Variants in IER3IP1 observed in about 807,000 individuals in gnomAD.
The protein encoded by IER3IP1 is immediate early response 3 interacting protein 1.
IER3IP1 carries 16 observed loss-of-function variants against 12.2 expected under a neutral mutation model. The ratio of observed to expected loss-of-function variants is 1.31; its 90% CI spans 0.89 to 1.99. The LOEUF (loss-of-function observed/expected upper bound fraction) is 1.99, where lower values mean the gene tolerates loss of function less well. Among genes scored for constraint, IER3IP1 ranks in the 30% most tolerant of loss-of-function variants. The pLI is 0.00. For missense variants in IER3IP1, 95 were observed against 95.8 expected (o/e 0.99, Z 0.03); for synonymous variants, 42 against 40.0 (o/e 1.05, Z -0.19).
intron 1 of IER3IP1, among the ~76,000 whole-genome samples, chr18:47,170,017 G>A (rs1159733948): frequency 6.6e-6 from 1 of 152,076 alleles, no homozygotes; most frequent in Non-Finnish European, 1.5e-5. Flanking sequence ...AAAACTCACA[G>A]AGCTTTTTGT....
Position 47,176,209 on chromosome 18 carries a change from G to A in IER3IP1, c.69C>T (p.His23=), listed in dbSNP as rs1409344170. The change falls in exon 1 of 3, where the codon CAC becomes CAT. Residue 23 remains histidine, a synonymous_variant. Transcript: ENST00000256433. ...LLCVNAIAVL[H]EERFLKNIGW... is the part of the protein sequence containing the mutation. The stretch of plus-strand genomic sequence containing the variant: ...CACTGTTCTTGAGGAATCGCTCCTC[G>A]TGCAGCACTGCGATGGCGTTGACGC... The A allele has an allele frequency of 6.2e-7, 1 of 1,604,182 alleles. No individual in the cohort carries two copies. Among genetic ancestry groups the A allele is most frequent in the Non-Finnish European group, 8.5e-7 (1 of 1,175,724 alleles).
At chr18:47,162,817 C>CA (rs1373274028) in intron 1 of IER3IP1, among the ~76,000 whole-genome samples, 7 of 151,284 alleles carry the variant, frequency 4.6e-5, no homozygotes, top group Non-Finnish European at 7.4e-5. Context: ...ACAATGTCTT[C>CA]AAAACTCTGC....
chr18:47,176,288 G>T lies in IER3IP1; in HGVS notation c.-11C>A, dbSNP rs761147400. The T allele has an allele frequency of 1.9e-6, 3 of 1,598,960 alleles. No homozygotes were observed. The highest frequency in any genetic ancestry group is 2.2e-5 in the South Asian group (2 of 88,988). ...CAGGGTAAAGGCCATGGCCGTCCGA[G>T]GCCGCCCCGAAGTCCAAGCGATTTC... On this transcript the variant is annotated 5_prime_UTR_variant, in exon 1 of 3. Transcript: ENST00000256433.
At chr18:47,156,317 T>C (rs769329932) in intron 2 of IER3IP1, 85 bp from the exon 3 acceptor site, 49 of 758,996 alleles carry the variant, frequency 6.5e-5, no homozygotes, top group Non-Finnish European at 9.0e-5. Flanking sequence ...CCAGGAACAA[T>C]AGAAATATCT....
At chr18:47,175,922 G>A (rs2064031624) in intron 1 of IER3IP1, among the ~76,000 whole-genome samples, 1 of 151,986 alleles carries the variant, frequency 6.6e-6, no homozygotes, top group Non-Finnish European at 1.5e-5. Flanking sequence ...CTGACCTGAA[G>A]TAATCGCAAG....
intron 1 of IER3IP1, among the ~76,000 whole-genome samples, chr18:47,170,849 A>C (rs2064013143): frequency 1.3e-5 from 2 of 152,070 alleles, no homozygotes; most frequent in African/African-American, 4.8e-5. Flanking sequence ...TATTTTTTCA[A>C]CCTCATAATC....
rs377075827 is a variant in IER3IP1 at position 47,176,331 on chromosome 18, G to C, written c.-54C>G. ...GCGATTTCTCTCCCGCCGCCGCAAG[G>C]GACGTGGCGCCTCCACGGCCGGCGC... On this transcript the variant is annotated 5_prime_UTR_variant, in exon 1 of 3. Coordinates refer to ENST00000256433, the MANE Select transcript of IER3IP1 (RefSeq NM_016097.5). The C allele has an allele frequency of 7.4e-6, 11 of 1,491,774 alleles. No homozygotes were observed. Among genetic ancestry groups the C allele is most frequent in the Non-Finnish European group, 1.0e-5 (11 of 1,091,694 alleles). The allele number at this position is 1,491,774 out of a possible 1,614,324, so 92.4% of individuals were successfully genotyped here. A position where few individuals can be genotyped will look rare whatever the true frequency, so the allele number is the denominator to read the frequency against.
chr18:47,173,744 A>G (rs978644573), intron 1 of IER3IP1, among the ~76,000 whole-genome samples: 2 of 152,222 alleles, frequency 1.3e-5, no homozygotes, highest in Non-Finnish European at 1.5e-5. Context: ...TTGGAGGCTA[A>G]AAGTCTGAAA....
intron 1 of IER3IP1, among the ~76,000 whole-genome samples, chr18:47,171,055 T>C (rs2064013847): frequency 6.8e-6 from 1 of 146,468 alleles, no homozygotes; most frequent in African/African-American, 2.5e-5. Flanking sequence ...TTCCCTCCTA[T>C]TGTTAGTTTG....
At chr18:47,170,310 T>C (rs1568074126) in intron 1 of IER3IP1, among the ~76,000 whole-genome samples, 1 of 152,110 alleles carries the variant, frequency 6.6e-6, no homozygotes, top group African/African-American at 2.4e-5. Context: ...ATTGGACCTT[T>C]GCACTAAGTT....
At chr18:47,174,264 G>A (rs1238625374) in intron 1 of IER3IP1, among the ~76,000 whole-genome samples, 3 of 152,104 alleles carry the variant, frequency 2.0e-5, no homozygotes. Flanking sequence ...TTTTCCACTG[G>A]AAAACAGAAA....
rs1358790461 is a variant in IER3IP1, at chr18:47,172,362, T to C, written c.91+3825A>G. Reference sequence around the variant, plus strand: ...CTACTCACTTCCCAATCCATTCCAATCTGGATTTTACCCACTGCTGTAATT... The same window carrying C: ...CTACTCACTTCCCAATCCATTCCAACCTGGATTTTACCCACTGCTGTAATT... On this transcript the variant is annotated intron_variant, in intron 1 of 2. Coordinates refer to ENST00000256433, the MANE Select transcript of IER3IP1 (RefSeq NM_016097.5). This position sits in a 1 kb window ranked among gnomAD's most constrained non-coding sequence, Gnocchi z 4.0. Among the ~76,000 whole-genome samples, 1 of 152,228 alleles carries C rather than the reference T, an allele frequency of 6.6e-6. No homozygotes were observed. The highest frequency in any genetic ancestry group is 1.5e-5 in the Non-Finnish European group (1 of 68,040).
chr18:47,174,953 A>G (rs555038786), intron 1 of IER3IP1, among the ~76,000 whole-genome samples: 13 of 152,284 alleles, frequency 8.5e-5, no homozygotes, highest in Non-Finnish European at 1.9e-4. Flanking sequence ...CAGATACACA[A>G]GTTAGTATCT....
chr18:47,171,624 T>C (rs753138132), intron 1 of IER3IP1, among the ~76,000 whole-genome samples: 1 of 152,250 alleles, frequency 6.6e-6, no homozygotes, highest in Non-Finnish European at 1.5e-5. Context: ...AATCAGCTTT[T>C]GGTTTTGTTA....
rs2063948187 is a variant in IER3IP1, at chr18:47,153,532, G to GGC, written c.*2643_*2644dup. 6.6e-6 allele frequency: 1 copy of GGC among 151,932 alleles called. No homozygotes were observed. Among genetic ancestry groups the GGC allele is most frequent in the Non-Finnish European group, 1.5e-5 (1 of 67,992 alleles). The allele number at this position is 151,932 out of a possible 1,614,324, so 9.4% of individuals were successfully genotyped here. ...AAGCCTAGTACCCAGTAATTTTTCT[G>GGC]GCACTCTTTCTCACCCTCCACCCTC... On this transcript the variant is annotated 3_prime_UTR_variant, in exon 3 of 3. Coordinates refer to ENST00000256433, the MANE Select transcript of IER3IP1 (RefSeq NM_016097.5).
rs1568069727 is a variant in IER3IP1 at position 47,154,699 on chromosome 18, TC to T, written c.*1477del. On this transcript the variant is annotated 3_prime_UTR_variant, in exon 3 of 3. Transcript: ENST00000256433. ...TTAGTCATTCACATGAGCCAAGTAA[TC>T]AACTAAGAATCCTTGGTACTTTCCT... is the stretch of plus-strand genomic sequence containing the variant. 6.6e-6 allele frequency: 1 copy of T among 152,196 alleles called. No homozygotes were observed. Among genetic ancestry groups the T allele is most frequent in the African/African-American group, 2.4e-5 (1 of 41,444 alleles). The allele number at this position is 152,196 out of a possible 1,614,324, so 9.4% of individuals were successfully genotyped here.
intron 1 of IER3IP1, among the ~76,000 whole-genome samples, chr18:47,170,775 C>G (rs1568074228): frequency 6.6e-6 from 1 of 152,018 alleles, no homozygotes; most frequent in Non-Finnish European, 1.5e-5. Flanking sequence ...GTCCTAATAG[C>G]CTTGTAGTGG....
At position 47,156,494 on chromosome 18, in the gene IER3IP1, G is replaced by A. The variant is rs113409557; in HGVS notation, c.194-262C>T. Reference sequence around the variant, plus strand: ...ATGTGAAACATCTGTGGATAGTCCCGGTGCAACCCCAAGAACATGAGTGCA... The same window carrying A: ...ATGTGAAACATCTGTGGATAGTCCCAGTGCAACCCCAAGAACATGAGTGCA... On this transcript the variant is annotated intron_variant, in intron 2 of 2. Transcript: ENST00000256433. Among the ~76,000 whole-genome samples, 137 of 152,216 alleles carry A rather than the reference G, an allele frequency of 9.0e-4. 2 individuals are homozygous for A. Among genetic ancestry groups the A allele is most frequent in the African/African-American group, 2.4e-4 (10 of 41,528 alleles).
chr18:47,165,641 T>C (rs1482091821), intron 1 of IER3IP1, among the ~76,000 whole-genome samples: 1 of 152,122 alleles, frequency 6.6e-6, no homozygotes, highest in Admixed American at 6.5e-5. Context: ...TAATCCCTGA[T>C]AAAATTCAAC....
Sources: gnomAD v4.1 joint callset for allele counts (sites outside exome capture counted in the v4.1 genomes callset) on GRCh38, gnomAD v4.1.1 for gene constraint, Gnocchi (gnomAD v3.1) non-coding constraint, MANE v1.5 for transcripts, NCBI Gene and HGNC (gene_info 2026-07-23, HGNC 2026-07-21) for gene names.